Variants in MAGI2 observed in about 807,000 individuals in gnomAD.
MAGI2 encodes the protein membrane-associated guanylate kinase, WW and PDZ domain-containing protein 2.
In MAGI2, 35 loss-of-function variants were observed where a neutral mutation model predicts 133.3. That is an observed-to-expected ratio of 0.26 (90% confidence interval 0.20 to 0.35). The LOEUF is 0.35. MAGI2 is among the 10% of genes least tolerant of loss of function. The probability of loss-of-function intolerance (pLI) is 1.00; values close to 1 mark genes in which losing one functional copy is unlikely to be tolerated. For synonymous variants in MAGI2, 729 were observed against 710.6 expected (o/e 1.03, Z -0.41); for missense variants, 1,636 against 1,863.4 (o/e 0.88, Z 2.25).
intron 2 of MAGI2, among the ~76,000 whole-genome samples, chr7:78,988,354 G>T (rs1311344661): frequency 6.6e-6 from 1 of 151,926 alleles, no homozygotes; most frequent in African/African-American, 2.4e-5. Context: ...ACCATAAATT[G>T]GTTTGATTAA....
intron 2 of MAGI2, among the ~76,000 whole-genome samples, chr7:78,971,009 C>T (rs1369757660): frequency 6.6e-6 from 1 of 151,992 alleles, no homozygotes; most frequent in East Asian, 1.9e-4. Flanking sequence ...TGAGAATGAC[C>T]ATTTAATAAC....
intron 16 of MAGI2, among the ~76,000 whole-genome samples, chr7:78,151,798 T>A (rs558267039): frequency 1.2e-3 from 188 of 152,236 alleles, no homozygotes; most frequent in African/African-American, 4.2e-3. Context: ...TTGTCAAAAA[T>A]ATGTCACGCT....
intron 1 of MAGI2, among the ~76,000 whole-genome samples, chr7:79,416,609 C>G (rs755591198): frequency 5.9e-5 from 9 of 151,360 alleles, no homozygotes; most frequent in Non-Finnish European, 1.3e-4. Flanking sequence ...CTCTAGAGAT[C>G]AGAGAAAATG....
intron 2 of MAGI2, among the ~76,000 whole-genome samples, chr7:78,788,931 C>T (rs1371850057): frequency 3.3e-5 from 5 of 152,142 alleles, no homozygotes; most frequent in Admixed American, 2.0e-4. Context: ...CTCTGTACCC[C>T]TACGAGAGGC....
At chr7:78,754,334 G>A (rs1374390472) in intron 2 of MAGI2, among the ~76,000 whole-genome samples, 1 of 151,602 alleles carries the variant, frequency 6.6e-6, no homozygotes, top group African/African-American at 2.4e-5. Flanking sequence ...TCGTACCACT[G>A]CACTCCAGCC....
chr7:78,890,904 AC>A (rs779909296), intron 2 of MAGI2, among the ~76,000 whole-genome samples: 14 of 152,200 alleles, frequency 9.2e-5, no homozygotes. Context: ...AAATAGAGAC[AC>A]AAAAAACCCT....
chr7:78,692,949 A>G lies in MAGI2; in HGVS notation c.419-65710T>C, dbSNP rs11983993. 8.9e-3 allele frequency among the ~76,000 whole-genome samples: 1,354 copies of G among 152,286 alleles called. 24 individuals are homozygous for G. Among genetic ancestry groups the G allele is most frequent in the African/African-American group, 0.031 (1,294 of 41,556 alleles). On this transcript the variant is annotated intron_variant, in intron 2 of 21. Transcript: ENST00000354212. Reference sequence around the variant, plus strand: ...TTTGCAACTTTTACTTACTAGTCTTATATTGGAAACATCTGGATCATATCC... The same window carrying G: ...TTTGCAACTTTTACTTACTAGTCTTGTATTGGAAACATCTGGATCATATCC...
intron 3 of MAGI2, chr7:78,554,525 C>T (rs928033611): frequency 8.5e-5 from 13 of 152,134 alleles, no homozygotes; most frequent in African/African-American, 1.2e-4. Flanking sequence ...AATATAGCAC[C>T]GTGGCATTTG....
At chr7:78,421,102 T>C (rs1007910949) in intron 6 of MAGI2, among the ~76,000 whole-genome samples, 2 of 152,136 alleles carry the variant, frequency 1.3e-5, no homozygotes, top group South Asian at 2.1e-4. Context: ...GTGGAAACTG[T>C]TGTTGCAAAC....
At chr7:79,178,938 G>A (rs138708531) in intron 1 of MAGI2, among the ~76,000 whole-genome samples, 1 of 151,844 alleles carries the variant, frequency 6.6e-6, no homozygotes, top group African/African-American at 2.4e-5. Context: ...TACATAGTAT[G>A]AGAGCAATAA....
At chr7:78,683,537 A>C (rs1046212291) in intron 2 of MAGI2, among the ~76,000 whole-genome samples, 1 of 152,172 alleles carries the variant, frequency 6.6e-6, no homozygotes, top group Non-Finnish European at 1.5e-5. Flanking sequence ...TACAATTTTC[A>C]TTGTTGTCCA....
intron 6 of MAGI2, among the ~76,000 whole-genome samples, chr7:78,400,177 G>A (rs1796728468): frequency 6.6e-6 from 1 of 152,104 alleles, no homozygotes; most frequent in Non-Finnish European, 1.5e-5. Flanking sequence ...GAAACAGTAG[G>A]TTCTCTAAGA....
chr7:79,137,555 TG>T (rs1289349682), intron 1 of MAGI2, among the ~76,000 whole-genome samples: 1 of 150,532 alleles, frequency 6.6e-6, no homozygotes, highest in East Asian at 2.0e-4. Context: ...CAGGTTCAAG[TG>T]ATTCTCCTGC....
intron 2 of MAGI2, among the ~76,000 whole-genome samples, chr7:78,656,896 A>G (rs1246388901): frequency 6.6e-6 from 1 of 152,052 alleles, no homozygotes; most frequent in African/African-American, 2.4e-5. Flanking sequence ...CTGAGAGAAA[A>G]TATTGGCAAA....
intron 2 of MAGI2, among the ~76,000 whole-genome samples, chr7:78,832,027 G>C (rs1004695880): frequency 3.3e-5 from 5 of 152,114 alleles, no homozygotes; most frequent in African/African-American, 1.2e-4. Flanking sequence ...ATATGAATGA[G>C]TGGTAAGTGA....
At chr7:78,802,976 A>C (rs1415489454) in intron 2 of MAGI2, among the ~76,000 whole-genome samples, 1 of 150,802 alleles carries the variant, frequency 6.6e-6, no homozygotes, top group African/African-American at 2.4e-5. Flanking sequence ...GATGCCTTGG[A>C]GTTTTTTTCA....
At chr7:78,057,733 G>A (rs569365846) in intron 21 of MAGI2, among the ~76,000 whole-genome samples, 4 of 151,992 alleles carry the variant, frequency 2.6e-5, no homozygotes, top group African/African-American at 9.6e-5. Flanking sequence ...TTGGGACATG[G>A]TTTCACTGTA....
At chr7:79,115,994 C>T (rs1819382996) in intron 1 of MAGI2, among the ~76,000 whole-genome samples, 2 of 151,190 alleles carry the variant, frequency 1.3e-5, no homozygotes, top group Admixed American at 1.3e-4. Context: ...ATTCTGCATC[C>T]CATCAGCAAG....
At chr7:78,555,170 A>AAATAAATAAATG (rs1163688347) in intron 3 of MAGI2, among the ~76,000 whole-genome samples, 1,330 of 66,064 alleles carry the variant, frequency 0.02, 21 homozygotes, top group Middle Eastern at 0.038. Context: ...ATAAATAAAT[A>AAATAAATAAATG]AATGAATGAT....
Sources: gnomAD v4.1 joint callset for allele counts (sites outside exome capture counted in the v4.1 genomes callset) on GRCh38, gnomAD v4.1.1 for gene constraint, MANE v1.5 for transcripts, NCBI Gene and HGNC (gene_info 2026-07-23, HGNC 2026-07-21) for gene names.